The following MAGI1 variants were observed in gnomAD, a reference collection of about 807,000 sequenced individuals.
MAGI1 encodes membrane associated guanylate kinase, WW and PDZ domain containing 1, also known as membrane-associated guanylate kinase, WW and PDZ domain-containing protein 1.
Under a neutral mutation model 139.9 loss-of-function variants are expected in MAGI1, and 58 were observed. That is an observed-to-expected ratio of 0.41 (90% CI 0.34 to 0.52). The LOEUF is 0.52. Ranked by LOEUF, MAGI1 falls within the 20% of genes least tolerant of loss-of-function variation. The probability of loss-of-function intolerance (pLI) is 0.12; values close to 1 mark genes in which losing one functional copy is unlikely to be tolerated. For synonymous variants in MAGI1, 812 were observed against 737.9 expected, an observed-to-expected ratio of 1.10 and a Z score of -1.63; for missense variants, 1,874 against 1,901.6, an observed-to-expected ratio of 0.99 and a Z score of 0.27.
intron 2 of MAGI1, among the ~76,000 whole-genome samples, chr3:65,550,841 T>G (rs1024581275): frequency 6.6e-6 from 1 of 151,220 alleles, no homozygotes; most frequent in South Asian, 2.1e-4. Flanking sequence ...TGTGGGGGCA[T>G]GCACCTGTAG....
chr3:65,833,167 G>C (rs1311021124), intron 1 of MAGI1, among the ~76,000 whole-genome samples: 2 of 151,708 alleles, frequency 1.3e-5, no homozygotes, highest in African/African-American at 4.9e-5. Flanking sequence ...ACCCAGGCTG[G>C]AGTGCACTGA....
intron 1 of MAGI1, among the ~76,000 whole-genome samples, chr3:65,892,928 C>G (rs1355140229): frequency 6.6e-6 from 1 of 152,132 alleles, no homozygotes; most frequent in Non-Finnish European, 1.5e-5. Flanking sequence ...CAGAAACAAA[C>G]AGAAATGTGA....
chr3:65,369,067 G>A (rs955680998), intron 18 of MAGI1, among the ~76,000 whole-genome samples: 16 of 152,126 alleles, frequency 1.1e-4, no homozygotes, highest in African/African-American at 3.9e-4. Context: ...CTTCTGTGCT[G>A]CCATTGTGTA....
intron 2 of MAGI1, among the ~76,000 whole-genome samples, chr3:65,595,013 G>A (rs531983314): frequency 4.6e-5 from 7 of 152,072 alleles, no homozygotes; most frequent in African/African-American, 7.2e-5. Flanking sequence ...TTTATATTAC[G>A]CAGCACAGGG....
intron 1 of MAGI1, among the ~76,000 whole-genome samples, chr3:65,699,940 G>A (rs1459209754): frequency 1.3e-5 from 2 of 149,990 alleles, no homozygotes; most frequent in Non-Finnish European, 3.0e-5. Context: ...CCTTGCCCCA[G>A]ACCTACTGAA....
intron 4 of MAGI1, among the ~76,000 whole-genome samples, chr3:65,477,711 ATTT>A (rs60679864): frequency 1.8e-3 from 258 of 141,604 alleles, no homozygotes; most frequent in South Asian, 9.3e-3. Context: ...TATTATTATT[ATTT>A]TTTTTTTTTT....
chr3:65,986,669 G>C (rs2065896696), intron 1 of MAGI1, among the ~76,000 whole-genome samples: 1 of 152,158 alleles, frequency 6.6e-6, no homozygotes, highest in Admixed American at 6.6e-5. Context: ...GTTGTTATTC[G>C]TGTTTGAAAT....
At chr3:65,630,195 T>G (rs559669180) in intron 1 of MAGI1, among the ~76,000 whole-genome samples, 11 of 152,292 alleles carry the variant, frequency 7.2e-5, no homozygotes, top group Admixed American at 2.0e-4. Context: ...AAACACCCTG[T>G]GAGCCCTGAG....
intron 1 of MAGI1, among the ~76,000 whole-genome samples, chr3:65,642,056 G>A (rs1222941221): frequency 6.6e-6 from 1 of 152,148 alleles, no homozygotes; most frequent in East Asian, 1.9e-4. Flanking sequence ...TGTCTTAAAA[G>A]TTGCACAGGC....
At chr3:65,980,427 G>C (rs964240567) in intron 1 of MAGI1, among the ~76,000 whole-genome samples, 3 of 152,012 alleles carry the variant, frequency 2.0e-5, no homozygotes, top group Non-Finnish European at 1.5e-5. Context: ...GCCACACATG[G>C]TGGTGCACGC....
At chr3:65,939,757 T>C (rs1043125666) in intron 1 of MAGI1, among the ~76,000 whole-genome samples, 4 of 152,166 alleles carry the variant, frequency 2.6e-5, no homozygotes, top group African/African-American at 7.2e-5. Context: ...TTAGTAGTCA[T>C]GGTATCAAGT....
At chr3:65,845,417 T>C (rs17073946) in intron 1 of MAGI1, among the ~76,000 whole-genome samples, 37,504 of 151,970 alleles carry the variant, frequency 0.25, 6,001 homozygotes, top group East Asian at 0.67. Flanking sequence ...AGTTTCACCA[T>C]CTTTATCCAA....
intron 1 of MAGI1, among the ~76,000 whole-genome samples, chr3:65,695,236 G>C (rs2089052332): frequency 6.6e-6 from 1 of 152,182 alleles, no homozygotes; most frequent in Non-Finnish European, 1.5e-5. Context: ...AATGAATACA[G>C]GATAAAAGAT....
intron 18 of MAGI1, among the ~76,000 whole-genome samples, chr3:65,373,268 C>T (rs147829782): frequency 4.6e-5 from 7 of 151,982 alleles, no homozygotes; most frequent in East Asian, 1.9e-4. Context: ...AAGGGAGGCC[C>T]GAGGAAAGGA....
At chr3:65,633,716 A>G (rs142539020) in intron 1 of MAGI1, among the ~76,000 whole-genome samples, 1 of 152,272 alleles carries the variant, frequency 6.6e-6, no homozygotes, top group African/African-American at 2.4e-5. Flanking sequence ...TTACACTAAG[A>G]TAGTGGAATA....
chr3:65,754,158 T>C (rs969134033), intron 1 of MAGI1, among the ~76,000 whole-genome samples: 13 of 152,270 alleles, frequency 8.5e-5, no homozygotes, highest in African/African-American at 2.6e-4. Flanking sequence ...TTTTTACCAA[T>C]GATTTTAAAG....
chr3:65,449,674 G>T (rs1048560002), intron 6 of MAGI1, among the ~76,000 whole-genome samples: 9 of 152,142 alleles, frequency 5.9e-5, no homozygotes, highest in African/African-American at 2.2e-4. Context: ...CACTCGGGAG[G>T]CTGAGGCAGG....
rs543657432 is a variant in MAGI1, at chr3:65,789,999, G to C, written c.314-167911C>G. On this transcript the variant is annotated intron_variant, in intron 1 of 22. Coordinates refer to ENST00000402939, the MANE Select transcript of MAGI1 (RefSeq NM_001033057.2). ...AAACATTATAAGCAGAATCAGTAAT[G>C]ATTATTAACGTATTAAATGTATTGC... is the stretch of plus-strand genomic sequence containing the variant. Among the ~76,000 whole-genome samples the C allele has an allele frequency of 6.6e-5, 10 of 152,266 alleles. No homozygotes were observed. The East Asian group carries it at 1.9e-3, about 29-fold the overall frequency.
At chr3:65,949,250 A>G (rs189766474) in intron 1 of MAGI1, among the ~76,000 whole-genome samples, 122 of 152,320 alleles carry the variant, frequency 8.0e-4, no homozygotes, top group Admixed American at 7.8e-3. Flanking sequence ...TTGTGTCCCT[A>G]TATTCTAGAA....
Sources: gnomAD v4.1 joint callset for allele counts (sites outside exome capture counted in the v4.1 genomes callset) on GRCh38, gnomAD v4.1.1 for gene constraint, MANE v1.5 for transcripts, NCBI Gene and HGNC (gene_info 2026-07-23, HGNC 2026-07-21) for gene names.